The following HIC1 variants were observed in gnomAD, a reference collection of about 807,000 sequenced individuals.
HIC1 encodes the protein hypermethylated in cancer 1 protein.
A neutral mutation model predicts 26.4 loss-of-function variants in HIC1; 9 were observed. That is an observed-to-expected ratio of 0.34 (90% CI 0.21 to 0.59). The LOEUF is 0.59. Among genes scored for constraint, HIC1 ranks in the 20% least tolerant of loss-of-function variants. The pLI is 0.82. For missense variants in HIC1, 965 were observed against 1,075.7 expected (o/e 0.90, Z 1.44); for synonymous variants, 631 against 523.1 (o/e 1.21, Z -2.81).
chr17:2,058,973 G>A lies in HIC1; in HGVS notation c.*138G>A. 1.5e-6 allele frequency: 1 copy of A among 687,770 alleles called. No individual in the cohort carries two copies. Among genetic ancestry groups the A allele is most frequent in the Middle Eastern group, 4.4e-4 (1 of 2,252 alleles). 42.6% of individuals were successfully genotyped at this position (687,770 alleles called of 1,614,324 possible). A position where few individuals can be genotyped will look rare whatever the true frequency, so the allele number is the denominator to read the frequency against. ...CACAGTGGCGGCTCCACCTCTCGGC[G>A]GCCTCACCTGGCCTCACTGCTTCGT... On this transcript the variant is annotated 3_prime_UTR_variant, in exon 2 of 2. Coordinates refer to ENST00000619757, the MANE Select transcript of HIC1 (RefSeq NM_006497.4).
At chr17:2,056,514 C>T in intron 1 of HIC1, 157 bp from the exon 2 acceptor site, 4 of 1,347,894 alleles carry the variant, frequency 3.0e-6, no homozygotes, top group Non-Finnish European at 4.1e-6. Flanking sequence ...TGGGCTCCCA[C>T]TCCAGAGGGC....
rs930689614 is a variant in HIC1, at chr17:2,062,340, G to GT, written c.*3506dup. The GT allele has an allele frequency of 6.6e-6, 1 of 152,256 alleles. No homozygotes were observed. Among genetic ancestry groups the GT allele is most frequent in the African/African-American group, 2.4e-5 (1 of 41,452 alleles). The allele number at this position is 152,256 out of a possible 1,614,324, so 9.4% of individuals were successfully genotyped here. A position where few individuals can be genotyped will look rare whatever the true frequency, so the allele number is the denominator to read the frequency against. ...GTCTTGTACCCCAGGGAAGACCTGT[G>GT]TATCCTTCCAGGTTTCTTTAGGCAC... On this transcript the variant is annotated 3_prime_UTR_variant, in exon 2 of 2. Transcript: ENST00000619757.
In HIC1 at chr17:2,057,334, G is replaced by A; in HGVS notation, c.644G>A (p.Arg215His). The A allele has an allele frequency of 6.7e-7, 1 of 1,499,314 alleles. No homozygotes were observed. The highest frequency in any genetic ancestry group is 8.8e-7 in the Non-Finnish European group (1 of 1,133,070). The allele number at this position is 1,499,314 out of a possible 1,614,324, so 92.9% of individuals were successfully genotyped here. Residue 215 changes from arginine (R) to histidine (H), a missense_variant, in exon 2 of 2, where the codon CGC becomes CAC. Coordinates refer to ENST00000619757, the MANE Select transcript of HIC1 (RefSeq NM_006497.4). The part of the protein sequence containing the change: ...GPAAALCASE[R>H]RCSPLCGLDL... ...GCCGCCGCACTCTGTGCCTCGGAGC[G>A]CCGCTGCTCCCCTCTTTGTGGCCTG...
rs1346686743 is a variant in HIC1, at chr17:2,058,557, A to G, written c.1867A>G (p.Lys623Glu). 12 of 1,544,874 alleles carry G rather than the reference A, an allele frequency of 7.8e-6. No homozygotes were observed. The highest frequency in any genetic ancestry group is 1.4e-5 in the African/African-American group (1 of 70,360). Residue 623 changes from lysine to glutamate, a missense_variant, in exon 2 of 2, where the codon AAG (lysine) becomes GAG (glutamate). By Grantham distance (56) the Lys-to-Glu change is moderately conservative. Around this residue, in one of 6 missense-constraint regions of HIC1, gnomAD observed 210 missense variants for 179.2 expected, o/e 1.17. Transcript: ENST00000619757. ...PGVPGPDGKG[K>E]LDFPEGVFAV... The stretch of plus-strand genomic sequence containing the variant: ...CGTCCCCGGCCCCGACGGCAAGGGC[A>G]AGCTCGACTTCCCCGAGGGCGTCTT...
chr17:2,058,758 G>A lies in HIC1; in HGVS notation c.2068G>A (p.Ala690Thr). 5.9e-6 allele frequency: 9 copies of A among 1,524,586 alleles called. No individual in the cohort carries two copies. The highest frequency in any genetic ancestry group is 2.6e-5 in the East Asian group (1 of 38,416). 94.4% of individuals were successfully genotyped at this position (1,524,586 alleles called of 1,614,324 possible). ...GCTGGGCCTCAGCCCCGACAAGGCG[G>A]CCGAGGTGCTGAGCCAGGGCGCTCA... Reference protein sequence around the residue: ...AELGLSPDKAAEVLSQGAHLA... With the variant: ...AELGLSPDKATEVLSQGAHLA... Residue 690 changes from alanine (A) to threonine (T), a missense_variant, in exon 2 of 2, where the codon GCC becomes ACC. Ala to Thr is a moderately conservative substitution (Grantham distance 58). Coordinates refer to ENST00000619757, the MANE Select transcript of HIC1 (RefSeq NM_006497.4).
In HIC1 at chr17:2,055,639, G is replaced by C. The variant is rs1040148764; in HGVS notation, c.-21+401G>C. Among the ~76,000 whole-genome samples the C allele has an allele frequency of 2.0e-5, 3 of 150,688 alleles. No individual in the cohort carries two copies. The highest frequency in any genetic ancestry group is 4.4e-5 in the Non-Finnish European group (3 of 67,424). Reference sequence around the variant, plus strand: ...GCCGGGACCGCAGGTAACGGGCCGCGGGGCCCCGCGGGCCAGGAGGGGAAC... The same window carrying C: ...GCCGGGACCGCAGGTAACGGGCCGCCGGGCCCCGCGGGCCAGGAGGGGAAC... On this transcript the variant is annotated intron_variant, in intron 1 of 1. Transcript: ENST00000619757. This position sits in a 1 kb window ranked among gnomAD's most constrained non-coding sequence, Gnocchi z 6.4.
rs2067774217 is a variant in HIC1 at position 2,061,474 on chromosome 17, G to GC, written c.*2639_*2640insC. 6.4e-7 allele frequency: 1 copy of GC among 1,566,512 alleles called. No homozygotes were observed. Among genetic ancestry groups the GC allele is most frequent in the South Asian group, 1.2e-5 (1 of 86,384 alleles). ...TTCAGGAACGGTTCCACGGGGGGGGGGCCCCAGTGTGGCTCCCTCAGCCCA... is the reference window on the plus strand; with the variant it reads ...TTCAGGAACGGTTCCACGGGGGGGGGCGCCCCAGTGTGGCTCCCTCAGCCCA... On this transcript the variant is annotated 3_prime_UTR_variant, in exon 2 of 2. Coordinates refer to ENST00000619757, the MANE Select transcript of HIC1 (RefSeq NM_006497.4).
Position 2,057,427 on chromosome 17 carries a change from C to G in HIC1, c.737C>G (p.Pro246Arg), listed in dbSNP as rs1034539312. 1 of 1,441,000 alleles carries G rather than the reference C, an allele frequency of 6.9e-7. No individual in the cohort carries two copies. Among genetic ancestry groups the G allele is most frequent in the Non-Finnish European group, 9.1e-7 (1 of 1,104,844 alleles). 89.3% of individuals were successfully genotyped at this position (1,441,000 alleles called of 1,614,324 possible). ...CGGCCGCTGGCTGAGCGCGAGCTGC[C>G]CCCGCGCCCGGACAGCCCTCCCAGC... Reference protein sequence around the residue: ...PERPLAERELPPRPDSPPSAG... With the variant: ...PERPLAERELRPRPDSPPSAG... Residue 246 changes from proline (P) to arginine (R), a missense_variant, in exon 2 of 2, where the codon CCC becomes CGC. Around this residue, in one of 6 missense-constraint regions of HIC1, gnomAD observed 526 missense variants for 525.0 expected, o/e 1.00. Coordinates refer to ENST00000619757, the MANE Select transcript of HIC1 (RefSeq NM_006497.4).
Position 2,057,858 on chromosome 17 carries a change from C to T in HIC1, c.1168C>T (p.Pro390Ser). ...CGAGGAGACCGGTAGCAGCGAGGAC[C>T]CCAGCCCGCCTGGCGGCCACCTCGA... is the stretch of plus-strand genomic sequence containing the variant. ...SSEETGSSEDPSPPGGHLEGY... is the reference protein window; with the variant it reads ...SSEETGSSEDSSPPGGHLEGY... Residue 390 changes from proline to serine, a missense_variant, in exon 2 of 2, where the codon CCC becomes TCC. By Grantham distance (74) the Pro-to-Ser change is moderately conservative. Transcript: ENST00000619757. The T allele has an allele frequency of 6.3e-7, 1 of 1,591,154 alleles. No homozygotes were observed. The highest frequency in any genetic ancestry group is 8.5e-7 in the Non-Finnish European group (1 of 1,169,954).
rs746684014 is a variant in HIC1 at position 2,056,870 on chromosome 17, C to T, written c.180C>T (p.Asp60=). Residue 60 remains aspartate, a synonymous_variant, in exon 2 of 2, where the codon GAC becomes GAT. Coordinates refer to ENST00000619757, the MANE Select transcript of HIC1 (RefSeq NM_006497.4). ...SAYLKSLVVH[D]NLLNLDHDMV... ...ACCTCAAGTCCCTGGTGGTGCATGA[C>T]AACCTGCTCAACCTGGACCATGACA... 6.2e-7 allele frequency: 1 copy of T among 1,612,944 alleles called. No homozygotes were observed. The highest frequency in any genetic ancestry group is 1.3e-5 in the African/African-American group (1 of 75,056).
chr17:2,056,563 G>A, intron 1 of HIC1, 108 bp from the exon 2 acceptor site: 1 of 1,421,902 alleles, frequency 7.0e-7, no homozygotes, highest in Non-Finnish European at 9.3e-7. Flanking sequence ...CAGGGCTGAT[G>A]CCCCCGCTCA....
chr17:2,057,930 G>C lies in HIC1; in HGVS notation c.1240G>C (p.Gly414Arg). 1 of 1,610,074 alleles carries C rather than the reference G, an allele frequency of 6.2e-7. No individual in the cohort carries two copies. Among genetic ancestry groups the C allele is most frequent in the Non-Finnish European group, 8.5e-7 (1 of 1,178,718 alleles). ...HLAYGEPESF[G>R]DNLYVCIPCG... Reference sequence around the variant, plus strand: ...GGCCTATGGCGAGCCCGAGAGCTTCGGTGACAACCTGTACGTGTGCATTCC... The same window carrying C: ...GGCCTATGGCGAGCCCGAGAGCTTCCGTGACAACCTGTACGTGTGCATTCC... Residue 414 changes from glycine to arginine, a missense_variant, in exon 2 of 2, where the codon GGT (glycine) becomes CGT (arginine). Gly to Arg is a moderately radical substitution (Grantham distance 125). Around this residue, in one of 6 missense-constraint regions of HIC1, gnomAD observed 526 missense variants for 525.0 expected, o/e 1.00. Transcript: ENST00000619757.
intron 1 of HIC1, chr17:2,056,241 C>T (rs1270325430): frequency 6.5e-6 from 9 of 1,380,872 alleles, no homozygotes; most frequent in African/African-American, 1.4e-5. Flanking sequence ...GGGGCAACTT[C>T]TCCCGAGGCG....
Position 2,055,973 on chromosome 17 carries a change from G to A in HIC1, c.-20-698G>A, listed in dbSNP as rs2067668301. Among the ~76,000 whole-genome samples, 1 of 147,500 alleles carries A rather than the reference G, an allele frequency of 6.8e-6. No homozygotes were observed. Among genetic ancestry groups the A allele is most frequent in the Non-Finnish European group, 1.5e-5 (1 of 66,486 alleles). On this transcript the variant is annotated intron_variant, in intron 1 of 1. Coordinates refer to ENST00000619757, the MANE Select transcript of HIC1 (RefSeq NM_006497.4). The surrounding 1 kb of genome is among the most constrained non-coding windows in gnomAD (Gnocchi z 6.4). ...GCCGGCTGTGCGCCGTGCCCGCCCG[G>A]GGCGCTGCCCCCTCCCTCCCCTGGG...
Position 2,061,981 on chromosome 17 carries a change from C to T in HIC1, c.*3146C>T, listed in dbSNP as rs2067794233. On this transcript the variant is annotated 3_prime_UTR_variant, in exon 2 of 2. Transcript: ENST00000619757. ...CACATGGCTGGCCCCCAGATCACAA[C>T]ACCGCTCTCCCCACACCCCACTTTT... 1 of 183,780 alleles carries T rather than the reference C, an allele frequency of 5.4e-6. No homozygotes were observed. Among genetic ancestry groups the T allele is most frequent in the Admixed American group, 5.7e-5 (1 of 17,546 alleles). 11.4% of individuals were successfully genotyped at this position (183,780 alleles called of 1,614,324 possible). A position where few individuals can be genotyped will look rare whatever the true frequency, so the allele number is the denominator to read the frequency against.
In HIC1 at chr17:2,058,100, C is replaced by T. The variant is rs952203197; in HGVS notation, c.1410C>T (p.Gly470=). Residue 470 remains glycine, a synonymous_variant, in exon 2 of 2, where the codon GGC becomes GGT. Coordinates refer to ENST00000619757, the MANE Select transcript of HIC1 (RefSeq NM_006497.4). ...GCCTAGGGCCCCCTTTTGGAGGCGG[C>T]GGGGACAAGGTCGCCGGGGCTCCGG... is the stretch of plus-strand genomic sequence containing the variant. ...AAGLGPPFGG[G]GDKVAGAPGG... is the part of the protein sequence containing the mutation. The T allele has an allele frequency of 3.1e-6, 5 of 1,592,186 alleles. No individual in the cohort carries two copies. The highest frequency in any genetic ancestry group is 2.7e-5 in the African/African-American group (2 of 74,518).
At chr17:2,056,269 G>T in intron 1 of HIC1, 1 of 1,581,814 alleles carries the variant, frequency 6.3e-7, no homozygotes, top group Non-Finnish European at 8.7e-7. Flanking sequence ...CTGGTTCCTC[G>T]GCTCCCTTTC....
chr17:2,056,330 C>T (rs752198883), intron 1 of HIC1: 1 of 1,613,606 alleles, frequency 6.2e-7, no homozygotes, highest in South Asian at 1.1e-5. Flanking sequence ...CTGAAGCGGA[C>T]ATTTTACTTA....
chr17:2,056,286 C>G (rs747484104), intron 1 of HIC1: 7 of 1,608,892 alleles, frequency 4.4e-6, no homozygotes, highest in Non-Finnish European at 5.1e-6. Flanking sequence ...TTTCTCCCTA[C>G]TTGGGTAAAG....
Sources: gnomAD v4.1 joint callset for allele counts (sites outside exome capture counted in the v4.1 genomes callset) on GRCh38, gnomAD v4.1.1 for gene constraint, gnomAD v4.1.1 regional missense constraint, Gnocchi (gnomAD v3.1) non-coding constraint, MANE v1.5 for transcripts, NCBI Gene and HGNC (gene_info 2026-07-23, HGNC 2026-07-21) for gene names.